CEP250: variants seen among roughly 807,000 people sequenced by gnomAD.
The protein encoded by CEP250 is centrosomal protein 250.
Under a neutral mutation model 315.7 loss-of-function variants are expected in CEP250, and 242 were observed. The observed-to-expected ratio is 0.77, with a 90% CI of 0.69 to 0.85. The LOEUF is 0.85. CEP250 is among the 40% of genes least tolerant of loss of function. The pLI is 0.00. For missense variants in CEP250, 2,515 were observed against 2,886.4 expected, an observed-to-expected ratio of 0.87 and a Z score of 2.95; for synonymous variants, 1,088 against 1,175.0, an observed-to-expected ratio of 0.93 and a Z score of 1.51.
At position 35,503,588 on chromosome 20, in the gene CEP250, G is replaced by A. The variant is rs1468801906; in HGVS notation, c.5219G>A (p.Cys1740Tyr). ...CGTGATAAGGAGAAGGAGGTGGAAT[G>A]TCAGCAGGAGCATATCCATGAACTC... The part of the protein sequence containing the change: ...ILRDKEKEVE[C>Y]QQEHIHELQE... The change falls in exon 30 of 35, where the codon TGT (cysteine) becomes TAT (tyrosine). Residue 1740 changes from cysteine (C) to tyrosine (Y), a missense_variant. Coordinates refer to ENST00000397527, the MANE Select transcript of CEP250 (RefSeq NM_007186.6). The surrounding 1 kb of genome is among the most constrained non-coding windows in gnomAD (Gnocchi z 4.2). 7 of 1,614,020 alleles carry A rather than the reference G, an allele frequency of 4.3e-6. No individual in the cohort carries two copies. The South Asian group carries it at 7.7e-5, about 18-fold the overall frequency.
rs1007340158 is a variant in CEP250 at position 35,466,974 on chromosome 20, G to A, written c.501G>A (p.Lys167=). ...GGTTTCTGAACACACAGTTCTTCAA[G>A]GGCTACCTGAAAGGGGAGCACGGTC... ...SQWQMEQEFF[K]GYLKGEHGRL... is the part of the protein sequence containing the mutation. Residue 167 remains lysine, a synonymous_variant, in exon 8 of 35, where the codon AAG becomes AAA. Coordinates refer to ENST00000397527, the MANE Select transcript of CEP250 (RefSeq NM_007186.6). 6.2e-7 allele frequency: 1 copy of A among 1,611,986 alleles called. No homozygotes were observed. Among genetic ancestry groups the A allele is most frequent in the Non-Finnish European group, 8.5e-7 (1 of 1,178,142 alleles).
intron 10 of CEP250, among the ~76,000 whole-genome samples, chr20:35,470,467 G>A (rs543082657): frequency 5.9e-5 from 9 of 152,248 alleles, no homozygotes; most frequent in Admixed American, 2.0e-4. Flanking sequence ...AGTTTATGAA[G>A]GGCCGGGCGC....
In CEP250 at chr20:35,489,473, A is replaced by G. The variant is rs148239057; in HGVS notation, c.2587-1164A>G. Reference sequence around the variant, plus strand: ...TTCACATGACTTATCTCCATCCTCAATACAACCTGAGGAGAATGACACTGT... The same window carrying G: ...TTCACATGACTTATCTCCATCCTCAGTACAACCTGAGGAGAATGACACTGT... On this transcript the variant is annotated intron_variant, in intron 20 of 34. Transcript: ENST00000397527. Among the ~76,000 whole-genome samples, 18 of 152,384 alleles carry G rather than the reference A, an allele frequency of 1.2e-4. No homozygotes were observed. The East Asian group carries it at 2.9e-3, about 24-fold the overall frequency.
chr20:35,493,900 A>G (rs1007401965), intron 23 of CEP250, among the ~76,000 whole-genome samples: 2 of 152,186 alleles, frequency 1.3e-5, no homozygotes, highest in African/African-American at 4.8e-5. Context: ...TCCTATATCA[A>G]ATGATGTTCT....
intron 20 of CEP250, among the ~76,000 whole-genome samples, chr20:35,482,048 AATAG>A (rs35585772): frequency 0.44 from 63,493 of 145,934 alleles, 13,698 homozygotes; most frequent in Non-Finnish European, 0.46. Context: ...AGGCTTAAAA[AATAG>A]ATAGATAGAT....
rs1023632992 is a variant in CEP250, at chr20:35,465,973, C to G, written c.327-66C>G. On this transcript the variant is annotated intron_variant, in intron 6 of 34. Coordinates refer to ENST00000397527, the MANE Select transcript of CEP250 (RefSeq NM_007186.6). Reference sequence around the variant, plus strand: ...AAATTTCAGTGGTTGCCATCTTACTCCCAGGAGGTCCAAGGGTTGGACTAG... The same window carrying G: ...AAATTTCAGTGGTTGCCATCTTACTGCCAGGAGGTCCAAGGGTTGGACTAG... 10 of 1,585,392 alleles carry G rather than the reference C, an allele frequency of 6.3e-6. No homozygotes were observed. The African/African-American group carries it at 6.7e-5, about 11-fold the overall frequency.
chr20:35,493,418 T>C lies in CEP250; in HGVS notation c.2890-11T>C. ...ATTTCCTCTACTCAATGATTTCTTA[T>C]CCCTCTTCAGGAGACCACTGGGATA... On this transcript the variant is annotated splice_polypyrimidine_tract_variant and intron_variant, in intron 22 of 34. Transcript: ENST00000397527. 1 of 1,546,478 alleles carries C rather than the reference T, an allele frequency of 6.5e-7. No individual in the cohort carries two copies. The highest frequency in any genetic ancestry group is 8.7e-7 in the Non-Finnish European group (1 of 1,150,734).
At position 35,508,313 on chromosome 20, in the gene CEP250, G is replaced by GTT; in HGVS notation, c.6906+125_6906+126dup. 16 of 1,097,486 alleles carry GTT rather than the reference G, an allele frequency of 1.5e-5. No homozygotes were observed. In the African/African-American group the frequency reaches 1.6e-4, roughly 11 times the overall value. 68.0% of individuals were successfully genotyped at this position (1,097,486 alleles called of 1,614,324 possible). ...CCTGCTGCCTGTTTCTGAAAATTAAGTTTGTTTTTTTTTTTCCCGAGACAG... is the reference window on the plus strand; with the variant it reads ...CCTGCTGCCTGTTTCTGAAAATTAAGTTTTTGTTTTTTTTTTTCCCGAGACAG... On this transcript the variant is annotated intron_variant, in intron 32 of 34. Transcript: ENST00000397527.
At position 35,494,545 on chromosome 20, in the gene CEP250, C is replaced by G; in HGVS notation, c.3055C>G (p.Leu1019Val). The G allele has an allele frequency of 6.2e-7, 1 of 1,614,000 alleles. No homozygotes were observed. The highest frequency in any genetic ancestry group is 1.1e-5 in the South Asian group (1 of 91,062). Residue 1019 changes from leucine to valine, a missense_variant, in exon 24 of 35, where the codon CTG (leucine) becomes GTG (valine). Transcript: ENST00000397527. ...QKQVEDLKSQ[L>V]VAQDDSQRLV... ...CCAGGTGGAGGACTTGAAGTCTCAG[C>G]TGGTGGCCCAGGATGACTCCCAGAG...
Position 35,476,540 on chromosome 20 carries a change from C to T in CEP250, c.1808C>T (p.Ala603Val), listed in dbSNP as rs140726285. ...DLRAAAVKLS[A>V]LNEALALDKV... The stretch of plus-strand genomic sequence containing the variant: ...CGGGCTGCAGCTGTCAAGCTCAGTG[C>T]CTTAAATGAGGCTTTGGCGTTAGAT... Residue 603 changes from alanine (A) to valine (V), a missense_variant, in exon 16 of 35, where the codon GCC becomes GTC. Physicochemically the swap from Ala to Val is moderately conservative, Grantham distance 64 (BLOSUM62 0). Transcript: ENST00000397527. 3 of 1,613,878 alleles carry T rather than the reference C, an allele frequency of 1.9e-6. No individual in the cohort carries two copies. In the African/African-American group the frequency reaches 4.0e-5, roughly 22 times the overall value.
chr20:35,504,470 A>C lies in CEP250; in HGVS notation c.6101A>C (p.Gln2034Pro), dbSNP rs766703839. ...ATCCAGGACCAGGATCTCCGATACC[A>C]GGAGGATGTGCAGCAGCTGCAGCAG... ...GEIQDQDLRY[Q>P]EDVQQLQQAL... is the part of the protein sequence containing the mutation. The change falls in exon 30 of 35, where the codon CAG (glutamine) becomes CCG (proline). Residue 2034 changes from glutamine (Q) to proline (P), a missense_variant. Gln to Pro is a moderately conservative substitution (Grantham distance 76). Coordinates refer to ENST00000397527, the MANE Select transcript of CEP250 (RefSeq NM_007186.6). 2 of 1,613,516 alleles carry C rather than the reference A, an allele frequency of 1.2e-6. No homozygotes were observed. The highest frequency in any genetic ancestry group is 2.2e-5 in the South Asian group (2 of 90,940).
At chr20:35,473,296 C>T in intron 12 of CEP250, 78 bp from the exon 13 acceptor site, 5 of 1,345,870 alleles carry the variant, frequency 3.7e-6, no homozygotes, top group Non-Finnish European at 4.1e-6. Flanking sequence ...ACCCCCTTCT[C>T]CAGCCCCACT....
At chr20:35,509,872 C>G in intron 33 of CEP250, 126 bp from the exon 34 acceptor site, 1 of 830,738 alleles carries the variant, frequency 1.2e-6, no homozygotes, top group Non-Finnish European at 2.1e-6. Context: ...AGTCTGAGTT[C>G]AGATGCTTCT....
At position 35,511,848 on chromosome 20, in the gene CEP250, A is replaced by G; in HGVS notation, c.*222A>G. The G allele has an allele frequency of 7.3e-7, 1 of 1,367,524 alleles. No individual in the cohort carries two copies. The highest frequency in any genetic ancestry group is 9.4e-7 in the Non-Finnish European group (1 of 1,063,974). The allele number at this position is 1,367,524 out of a possible 1,614,324, so 84.7% of individuals were successfully genotyped here. On this transcript the variant is annotated 3_prime_UTR_variant, in exon 35 of 35. Coordinates refer to ENST00000397527, the MANE Select transcript of CEP250 (RefSeq NM_007186.6). Reference sequence around the variant, plus strand: ...GCATTTGCTTGCTCCCTATGGAATCACCCAGAGGGGTGCCTTGCCCTGGCT... The same window carrying G: ...GCATTTGCTTGCTCCCTATGGAATCGCCCAGAGGGGTGCCTTGCCCTGGCT...
chr20:35,456,801 T>TG (rs1365605670), intron 1 of CEP250, among the ~76,000 whole-genome samples: 1 of 151,808 alleles, frequency 6.6e-6, no homozygotes, highest in Non-Finnish European at 1.5e-5. Context: ...TTTTTTTTTT[T>TG]TGAGACCTGG....
At chr20:35,510,724 G>A (rs116773654) in intron 34 of CEP250, among the ~76,000 whole-genome samples, 1,703 of 152,314 alleles carry the variant, frequency 0.011, 23 homozygotes, top group African/African-American at 0.039. Context: ...AGCAGGTGCA[G>A]TAGCTCACAC....
intron 3 of CEP250, among the ~76,000 whole-genome samples, chr20:35,462,016 C>G (rs1260855654): frequency 6.6e-6 from 1 of 152,242 alleles, no homozygotes; most frequent in African/African-American, 2.4e-5. Flanking sequence ...TGTTTCTGAA[C>G]CACTGTGCCA....
Position 35,504,654 on chromosome 20 carries a change from T to A in CEP250, c.6285T>A (p.Ser2095Arg). 1 of 1,613,346 alleles carries A rather than the reference T, an allele frequency of 6.2e-7. No individual in the cohort carries two copies. The highest frequency in any genetic ancestry group is 1.1e-5 in the South Asian group (1 of 91,028). Reference sequence around the variant, plus strand: ...AGGAGATAAGGGGCCTTCATCAGAGTGTAAGGGAGCTACAGCTGACTCTAG... The same window carrying A: ...AGGAGATAAGGGGCCTTCATCAGAGAGTAAGGGAGCTACAGCTGACTCTAG... ...EEEEIRGLHQ[S>R]VRELQLTLAQ... Residue 2095 changes from serine to arginine, a missense_variant, in exon 30 of 35, where the codon AGT becomes AGA. Physicochemically the swap from Ser to Arg is moderately radical, Grantham distance 110 (BLOSUM62 -1). Transcript: ENST00000397527.
chr20:35,474,611 G>A (rs113566176), intron 14 of CEP250, among the ~76,000 whole-genome samples: 16 of 152,274 alleles, frequency 1.1e-4, no homozygotes, highest in African/African-American at 3.9e-4. Context: ...GAAGTAGTGG[G>A]AAATGTGCTA....
Sources: gnomAD v4.1 joint callset for allele counts (sites outside exome capture counted in the v4.1 genomes callset) on GRCh38, gnomAD v4.1.1 for gene constraint, Gnocchi (gnomAD v3.1) non-coding constraint, MANE v1.5 for transcripts, NCBI Gene and HGNC (gene_info 2026-07-23, HGNC 2026-07-21) for gene names.